Variants in AFF1 observed in about 807,000 individuals in gnomAD.
AFF1 encodes the protein AF4/FMR2 family member 1.
A neutral mutation model predicts 121.7 loss-of-function variants in AFF1; 48 were observed. The observed-to-expected ratio is 0.39, with a 90% CI of 0.31 to 0.50. The LOEUF (loss-of-function observed/expected upper bound fraction) is 0.50, where lower values mean the gene tolerates loss of function less well. Among genes scored for constraint, AFF1 ranks in the 20% least tolerant of loss-of-function variants. AFF1 has a pLI of 0.76. For missense variants in AFF1, 1,523 were observed against 1,511.7 expected, an observed-to-expected ratio of 1.01 and a Z score of -0.12; for synonymous variants, 613 against 563.0, an observed-to-expected ratio of 1.09 and a Z score of -1.26.
intron 2 of AFF1, among the ~76,000 whole-genome samples, chr4:87,000,778 G>C (rs1219859185): frequency 6.6e-6 from 1 of 151,946 alleles, no homozygotes; most frequent in Non-Finnish European, 1.5e-5. Flanking sequence ...AATAGGAGGA[G>C]ATATGGAAAA....
intron 4 of AFF1, among the ~76,000 whole-genome samples, chr4:87,059,666 T>G (rs1720528547): frequency 6.6e-6 from 1 of 152,228 alleles, no homozygotes; most frequent in Non-Finnish European, 1.5e-5. Context: ...TCCATTTGTC[T>G]TCTTGCCTCT....
intron 2 of AFF1, among the ~76,000 whole-genome samples, chr4:86,978,049 T>C (rs1326851664): frequency 2.0e-5 from 3 of 152,082 alleles, no homozygotes; most frequent in African/African-American, 7.2e-5. Context: ...AAATAAGCTA[T>C]GATGTGGTTT....
At chr4:87,107,823 A>G (rs1222062860) in intron 10 of AFF1, among the ~76,000 whole-genome samples, 1 of 152,238 alleles carries the variant, frequency 6.6e-6, no homozygotes, top group African/African-American at 2.4e-5. Context: ...ATAAGACTTT[A>G]TTTAGAAAAG....
intron 4 of AFF1, among the ~76,000 whole-genome samples, chr4:87,070,516 A>G (rs1239571305): frequency 6.6e-6 from 1 of 152,282 alleles, no homozygotes; most frequent in Non-Finnish European, 1.5e-5. Flanking sequence ...ATCTTCCTGA[A>G]GTAAAGCTAA....
In AFF1 at chr4:87,098,893, A is replaced by C. The variant is rs149832932; in HGVS notation, c.1283+3924A>C. Among the ~76,000 whole-genome samples the C allele has an allele frequency of 1.5e-3, 233 of 152,318 alleles. No individual in the cohort carries two copies. The Middle Eastern group carries it at 0.041, about 27-fold the overall frequency. On this transcript the variant is annotated intron_variant, in intron 8 of 20. Transcript: ENST00000395146. ...TAGTAAAGACTGGGGTGAGTCTGAT[A>C]CCTTTTCAAATGAGCCCGAGTTTTC...
intron 4 of AFF1, chr4:87,049,869 C>T: frequency 2.6e-6 from 1 of 382,378 alleles, no homozygotes; most frequent in Non-Finnish European, 5.3e-6. Context: ...AGTCGTCAAT[C>T]CGGGAAGTGG....
chr4:87,012,640 T>C (rs894105613), intron 2 of AFF1, among the ~76,000 whole-genome samples: 5 of 152,224 alleles, frequency 3.3e-5, no homozygotes, highest in Admixed American at 2.0e-4. Context: ...AGTGTTCATT[T>C]GCTCATTTGC....
chr4:86,996,059 G>C (rs1345474632), intron 2 of AFF1, among the ~76,000 whole-genome samples: 4 of 151,876 alleles, frequency 2.6e-5, no homozygotes, highest in African/African-American at 4.8e-5. Flanking sequence ...TGGGAAGTGA[G>C]GAGCGTCTCT....
At chr4:87,050,904 G>A (rs1421489611) in intron 4 of AFF1, among the ~76,000 whole-genome samples, 2 of 152,220 alleles carry the variant, frequency 1.3e-5, no homozygotes, top group African/African-American at 4.8e-5. Flanking sequence ...GTGAAAGAGA[G>A]AGAAGCCGTG....
intron 4 of AFF1, among the ~76,000 whole-genome samples, chr4:87,075,504 T>C (rs1316766426): frequency 6.6e-6 from 1 of 152,182 alleles, no homozygotes; most frequent in African/African-American, 2.4e-5. Context: ...TGGAGTATTA[T>C]TTCTTCATCT....
intron 8 of AFF1, among the ~76,000 whole-genome samples, chr4:87,103,332 T>C (rs1023623969): frequency 1.3e-5 from 2 of 152,268 alleles, no homozygotes; most frequent in Non-Finnish European, 2.9e-5. Flanking sequence ...ACATATCTGC[T>C]GATTCTCATG....
chr4:87,001,362 G>T (rs538562190), intron 2 of AFF1, among the ~76,000 whole-genome samples: 25 of 151,690 alleles, frequency 1.6e-4, no homozygotes, highest in African/African-American at 5.8e-4. Flanking sequence ...GACTACAGGC[G>T]CTTGCCTCCA....
intron 4 of AFF1, among the ~76,000 whole-genome samples, chr4:87,071,087 C>A (rs551167453): frequency 2.6e-4 from 39 of 151,576 alleles, no homozygotes; most frequent in African/African-American, 9.2e-4. Context: ...TTAGTAAGAA[C>A]TATGTTATAA....
chr4:86,964,136 T>TC (rs1450026675), intron 2 of AFF1, among the ~76,000 whole-genome samples: 2 of 148,384 alleles, frequency 1.3e-5, no homozygotes, highest in African/African-American at 5.0e-5. Flanking sequence ...TGGTTTTTTT[T>TC]TTTTTTGAGA....
intron 4 of AFF1, among the ~76,000 whole-genome samples, chr4:87,063,037 A>T (rs2869640): frequency 2.0e-5 from 3 of 152,122 alleles, no homozygotes; most frequent in Non-Finnish European, 4.4e-5. Context: ...TTCAAGTCTC[A>T]ATTTCTTTTC....
chr4:87,098,348 C>G (rs557027267), intron 8 of AFF1, among the ~76,000 whole-genome samples: 2 of 152,282 alleles, frequency 1.3e-5, no homozygotes, highest in East Asian at 3.9e-4. Flanking sequence ...CAATTTGCCC[C>G]TAAGTTTAAG....
intron 2 of AFF1, among the ~76,000 whole-genome samples, chr4:87,012,220 GT>G (rs1355811556): frequency 8.9e-5 from 11 of 122,928 alleles, no homozygotes; most frequent in East Asian, 5.4e-4. Flanking sequence ...TTCATTTCTT[GT>G]TTTTTTTTTT....
intron 2 of AFF1, among the ~76,000 whole-genome samples, chr4:86,997,773 AATG>A (rs1348617318): frequency 6.6e-6 from 1 of 150,808 alleles, no homozygotes; most frequent in Non-Finnish European, 1.5e-5. Flanking sequence ...AAAAAAAAAA[AATG>A]CATACTTAAG....
intron 1 of AFF1, among the ~76,000 whole-genome samples, chr4:86,942,490 C>T (rs1328514320): frequency 1.3e-5 from 2 of 152,138 alleles, no homozygotes; most frequent in African/African-American, 4.8e-5. Context: ...TGCTATTTTC[C>T]TACTCAGTAG....
Sources: gnomAD v4.1 joint callset for allele counts (sites outside exome capture counted in the v4.1 genomes callset) on GRCh38, gnomAD v4.1.1 for gene constraint, MANE v1.5 for transcripts, NCBI Gene and HGNC (gene_info 2026-07-23, HGNC 2026-07-21) for gene names.